Variants in DCLK2 observed in about 807,000 individuals in gnomAD.
The protein encoded by DCLK2 is doublecortin like kinase 2.
In DCLK2, 31 loss-of-function variants were observed where a neutral mutation model predicts 78.4. That is an observed-to-expected ratio of 0.40 (90% CI 0.30 to 0.53). The LOEUF (loss-of-function observed/expected upper bound fraction) is 0.53. Ranked by LOEUF, DCLK2 falls within the 20% of genes least tolerant of loss-of-function variation. The pLI is 0.61. For missense variants in DCLK2, 872 were observed against 973.7 expected (o/e 0.90, Z 1.39); for synonymous variants, 407 against 374.9 (o/e 1.09, Z -0.99).
At chr4:150,125,020 A>C (rs1299368272) in intron 2 of DCLK2, among the ~76,000 whole-genome samples, 2 of 152,206 alleles carry the variant, frequency 1.3e-5, no homozygotes, top group Non-Finnish European at 2.9e-5. Flanking sequence ...AGTTTCACAC[A>C]GGTACAGTGA....
intron 2 of DCLK2, among the ~76,000 whole-genome samples, chr4:150,170,641 A>G (rs1277131382): frequency 6.6e-6 from 1 of 152,346 alleles, no homozygotes; most frequent in Non-Finnish European, 1.5e-5. Flanking sequence ...GAAGTTCTTT[A>G]TAGTTTACTT....
intron 2 of DCLK2, among the ~76,000 whole-genome samples, chr4:150,114,995 G>T (rs1731970373): frequency 6.6e-6 from 1 of 152,058 alleles, no homozygotes; most frequent in African/African-American, 2.4e-5. Flanking sequence ...CAACCTTTTT[G>T]CTTTCTCTTC....
chr4:150,181,154 T>TA (rs1173605309), intron 2 of DCLK2, among the ~76,000 whole-genome samples: 1 of 152,226 alleles, frequency 6.6e-6, no homozygotes, highest in Non-Finnish European at 1.5e-5. Flanking sequence ...GCTTGTCATG[T>TA]AAAAAAATTT....
At chr4:150,183,819 C>T (rs950110176) in intron 2 of DCLK2, among the ~76,000 whole-genome samples, 6 of 151,866 alleles carry the variant, frequency 4.0e-5, no homozygotes, top group African/African-American at 1.5e-4. Flanking sequence ...CCACAGCCTC[C>T]ACTTCCTGGC....
At chr4:150,216,675 C>A (rs1166555339) in intron 5 of DCLK2, among the ~76,000 whole-genome samples, 1 of 152,106 alleles carries the variant, frequency 6.6e-6, no homozygotes, top group South Asian at 2.1e-4. Context: ...GATTCTTGCA[C>A]ATTTCCCTTC....
chr4:150,190,167 C>A (rs1244747725), intron 2 of DCLK2, among the ~76,000 whole-genome samples: 1 of 151,512 alleles, frequency 6.6e-6, no homozygotes, highest in Non-Finnish European at 1.5e-5. Flanking sequence ...CATGCTACTG[C>A]ACCCTAGCCT....
chr4:150,161,398 G>A (rs919342140), intron 2 of DCLK2, among the ~76,000 whole-genome samples: 3 of 152,192 alleles, frequency 2.0e-5, no homozygotes, highest in African/African-American at 7.2e-5. Context: ...GTCTGTGTTT[G>A]TGTGTTCAGA....
intron 1 of DCLK2, among the ~76,000 whole-genome samples, chr4:150,087,739 G>C (rs1210305716): frequency 6.6e-6 from 1 of 152,178 alleles, no homozygotes; most frequent in African/African-American, 2.4e-5. Context: ...CTTTCTTCTG[G>C]GTGTGGGGCA....
chr4:150,252,396 C>A (rs1185776840), intron 15 of DCLK2, among the ~76,000 whole-genome samples: 1 of 152,162 alleles, frequency 6.6e-6, no homozygotes, highest in Non-Finnish European at 1.5e-5. Context: ...AACCTTTAAC[C>A]GCCCTGTGCC....
intron 12 of DCLK2, among the ~76,000 whole-genome samples, chr4:150,245,792 C>G (rs1053442722): frequency 6.6e-6 from 1 of 152,154 alleles, no homozygotes; most frequent in African/African-American, 2.4e-5. Context: ...AATAGGAACA[C>G]TTTTACACTG....
intron 12 of DCLK2, among the ~76,000 whole-genome samples, chr4:150,246,418 G>A (rs1395690942): frequency 6.6e-6 from 1 of 152,164 alleles, no homozygotes; most frequent in Non-Finnish European, 1.5e-5. Context: ...TTTATTGCTA[G>A]ACACTGTCCT....
At chr4:150,221,217 A>C (rs1306134840) in intron 6 of DCLK2, among the ~76,000 whole-genome samples, 1 of 152,052 alleles carries the variant, frequency 6.6e-6, no homozygotes, top group Non-Finnish European at 1.5e-5. Flanking sequence ...CAAGGCATCT[A>C]TCTTATCTGG....
chr4:150,193,089 C>A, intron 2 of DCLK2, 49 bp from the exon 3 acceptor site: 1 of 1,126,616 alleles, frequency 8.9e-7, no homozygotes, highest in Non-Finnish European at 1.3e-6. Context: ...CTTTTCATTT[C>A]ACTTCTAATG....
At chr4:150,124,068 C>T (rs62338179) in intron 2 of DCLK2, among the ~76,000 whole-genome samples, 5,733 of 151,920 alleles carry the variant, frequency 0.038, 152 homozygotes, top group Non-Finnish European at 0.063. Context: ...TAAAGAAGAG[C>T]GCCACACTTG....
intron 2 of DCLK2, among the ~76,000 whole-genome samples, chr4:150,164,078 C>T (rs1192592529): frequency 6.6e-6 from 1 of 152,198 alleles, no homozygotes; most frequent in Admixed American, 6.5e-5. Context: ...CCTAACACAG[C>T]CCATTTTATT....
intron 1 of DCLK2, among the ~76,000 whole-genome samples, chr4:150,092,474 T>TA (rs933711769): frequency 1.3e-5 from 2 of 152,270 alleles, no homozygotes; most frequent in Middle Eastern, 3.4e-3. Context: ...ATACCTTTTT[T>TA]AAAAAAACCC....
intron 2 of DCLK2, among the ~76,000 whole-genome samples, chr4:150,184,630 C>A (rs1399753376): frequency 1.4e-5 from 2 of 141,322 alleles, no homozygotes; most frequent in South Asian, 2.2e-4. Context: ...GAGACGGAGT[C>A]TCACTCTGTC....
chr4:150,147,195 G>A (rs768509749), intron 2 of DCLK2, among the ~76,000 whole-genome samples: 1 of 152,156 alleles, frequency 6.6e-6, no homozygotes, highest in Non-Finnish European at 1.5e-5. Flanking sequence ...CTACTTGGGA[G>A]GCTGAGGCAG....
At chr4:150,215,150 A>G (rs1026853731) in intron 5 of DCLK2, among the ~76,000 whole-genome samples, 3 of 152,146 alleles carry the variant, frequency 2.0e-5, no homozygotes, top group Non-Finnish European at 2.9e-5. Context: ...TTCTCAAACC[A>G]TGTTTTTATT....
Sources: allele counts gnomAD v4.1 joint callset (sites outside exome capture counted in the v4.1 genomes callset), GRCh38; gene constraint gnomAD v4.1.1; transcripts MANE v1.5; gene names NCBI Gene and HGNC (gene_info 2026-07-23, HGNC 2026-07-21).